MAD1L1: variants seen among roughly 807,000 people sequenced by gnomAD.
MAD1L1 encodes the protein mitotic spindle assembly checkpoint protein MAD1.
In MAD1L1, 95 loss-of-function variants were observed where a neutral mutation model predicts 96.9. The ratio of observed to expected loss-of-function variants is 0.98; its 90% CI spans 0.83 to 1.16. The LOEUF is 1.16. MAD1L1 is among the 50% of genes most tolerant of loss of function. The probability of loss-of-function intolerance (pLI) is 0.00; values close to 1 mark genes in which losing one functional copy is unlikely to be tolerated. For synonymous variants in MAD1L1, 473 were observed against 396.6 expected (o/e 1.19, Z -2.29); for missense variants, 1,007 against 954.4 (o/e 1.06, Z -0.73).
At chr7:2,019,649 C>T (rs1346191971) in intron 12 of MAD1L1, among the ~76,000 whole-genome samples, 3 of 152,078 alleles carry the variant, frequency 2.0e-5, no homozygotes, top group Non-Finnish European at 4.4e-5. Context: ...GGCTGCCCGG[C>T]CCAGCCCCAG....
rs141776342 is a variant in MAD1L1 at position 2,196,640 on chromosome 7, G to A, written c.986+16572C>T. On this transcript the variant is annotated intron_variant, in intron 10 of 18. Transcript: ENST00000265854. Reference sequence around the variant, plus strand: ...TGTTCAGATGAACAAACAAACGAGCGTCTCCAAAATCACAGTGCTACCCAC... The same window carrying A: ...TGTTCAGATGAACAAACAAACGAGCATCTCCAAAATCACAGTGCTACCCAC... 5.0e-3 allele frequency among the ~76,000 whole-genome samples: 766 copies of A among 152,320 alleles called. 9 individuals carry two copies. Among genetic ancestry groups the A allele is most frequent in the African/African-American group, 0.017 (720 of 41,556 alleles).
At chr7:1,945,046 G>C (rs1583875976) in intron 16 of MAD1L1, among the ~76,000 whole-genome samples, 1 of 152,236 alleles carries the variant, frequency 6.6e-6, no homozygotes, top group Admixed American at 6.5e-5. Context: ...GGGAGAGACA[G>C]TGGACACCGA....
chr7:2,101,233 C>T (rs1457731727), intron 11 of MAD1L1, among the ~76,000 whole-genome samples: 1 of 152,228 alleles, frequency 6.6e-6, no homozygotes, highest in Non-Finnish European at 1.5e-5. Flanking sequence ...ATGGGGTCTG[C>T]CCTGGGGGGA....
chr7:2,100,026 C>T (rs942503840), intron 11 of MAD1L1, among the ~76,000 whole-genome samples: 2 of 152,240 alleles, frequency 1.3e-5, no homozygotes, highest in Admixed American at 1.3e-4. Flanking sequence ...TTACACTTCG[C>T]CCCCAGCCAC....
chr7:1,923,466 C>T (rs183333598), intron 17 of MAD1L1, among the ~76,000 whole-genome samples: 12 of 133,270 alleles, frequency 9.0e-5, no homozygotes, highest in Non-Finnish European at 1.0e-4. Context: ...CTGGCACCCC[C>T]GCGCTCTTCC....
At chr7:2,169,112 T>G (rs1480147756) in intron 10 of MAD1L1, among the ~76,000 whole-genome samples, 1 of 152,190 alleles carries the variant, frequency 6.6e-6, no homozygotes, top group Non-Finnish European at 1.5e-5. Flanking sequence ...AAACGATCCG[T>G]GACAGGACAA....
At chr7:2,067,960 T>A (rs1784955558) in intron 12 of MAD1L1, among the ~76,000 whole-genome samples, 1 of 148,200 alleles carries the variant, frequency 6.7e-6, no homozygotes, top group East Asian at 1.9e-4. Context: ...ACCTCACGCA[T>A]CTTGCTTAGA....
At position 1,898,243 on chromosome 7, in the gene MAD1L1, G is replaced by C; in HGVS notation, c.1955C>G (p.Thr652Ser). The C allele has an allele frequency of 6.2e-7, 1 of 1,614,002 alleles. No homozygotes were observed. Among genetic ancestry groups the C allele is most frequent in the Non-Finnish European group, 8.5e-7 (1 of 1,179,958 alleles). Residue 652 changes from threonine to serine, a missense_variant, in exon 18 of 19, where the codon ACC (threonine) becomes AGC (serine). Physicochemically the swap from Thr to Ser is moderately conservative, Grantham distance 58 (BLOSUM62 1). Transcript: ENST00000265854. ...DITTENQYRL[T>S]SLYAEHPGDC... Reference sequence around the variant, plus strand: ...GCCTGGGTGCTCGGCGTACAGCGAGGTCAGCCGGTACTGGTTCTCCGTGGT... The same window carrying C: ...GCCTGGGTGCTCGGCGTACAGCGAGCTCAGCCGGTACTGGTTCTCCGTGGT...
chr7:1,832,633 CGGGG>C (rs1277645069), intron 18 of MAD1L1, among the ~76,000 whole-genome samples: 1 of 2,012 alleles, frequency 5.0e-4, no homozygotes, highest in African/African-American at 2.5e-3. Context: ...TTTTTTTTGG[CGGGG>C]GGGGGGGGGG....
chr7:1,941,916 T>A (rs1023006490), intron 16 of MAD1L1, among the ~76,000 whole-genome samples: 3 of 152,142 alleles, frequency 2.0e-5, no homozygotes, highest in Non-Finnish European at 2.9e-5. Context: ...AGGCACCTAG[T>A]CGTCTTTCTG....
intron 17 of MAD1L1, among the ~76,000 whole-genome samples, chr7:1,909,832 C>CCAGGGGAACT (rs1435701644): frequency 6.6e-6 from 1 of 152,204 alleles, no homozygotes; most frequent in East Asian, 1.9e-4. Context: ...CCATGATGAG[C>CCAGGGGAACT]CATGAGTTCC....
At chr7:2,134,096 G>A (rs1788643422) in intron 11 of MAD1L1, among the ~76,000 whole-genome samples, 1 of 152,244 alleles carries the variant, frequency 6.6e-6, no homozygotes, top group Admixed American at 6.5e-5. Flanking sequence ...GGACTGCACA[G>A]ACCCTCTGGG....
chr7:2,226,211 A>G (rs1178017409), intron 3 of MAD1L1, among the ~76,000 whole-genome samples: 2 of 152,256 alleles, frequency 1.3e-5, no homozygotes, highest in African/African-American at 4.8e-5. Context: ...CTCAAGGTCA[A>G]CAGATCTTAG....
chr7:2,120,905 A>G (rs891163086), intron 11 of MAD1L1, among the ~76,000 whole-genome samples: 1 of 152,298 alleles, frequency 6.6e-6, no homozygotes, highest in South Asian at 2.1e-4. Context: ...GGGCGGGGCG[A>G]GGAAGGTCTT....
At chr7:1,978,403 G>A (rs963008828) in intron 15 of MAD1L1, among the ~76,000 whole-genome samples, 2 of 152,298 alleles carry the variant, frequency 1.3e-5, no homozygotes, top group Admixed American at 6.5e-5. Context: ...AGCCAACTCC[G>A]GCTTCGGAGG....
intron 15 of MAD1L1, among the ~76,000 whole-genome samples, chr7:1,972,476 C>CA (rs1227190057): frequency 6.6e-6 from 1 of 152,156 alleles, no homozygotes; most frequent in African/African-American, 2.4e-5. Flanking sequence ...TTGTTTGTGG[C>CA]ATAACACCCT....
At chr7:2,106,111 C>T (rs940023054) in intron 11 of MAD1L1, among the ~76,000 whole-genome samples, 7 of 151,586 alleles carry the variant, frequency 4.6e-5, no homozygotes, top group Admixed American at 4.6e-4. Flanking sequence ...CCCCGCCCCT[C>T]CACCCTGCCC....
chr7:2,199,323 T>C (rs1019427176), intron 10 of MAD1L1, among the ~76,000 whole-genome samples: 1 of 152,220 alleles, frequency 6.6e-6, no homozygotes, highest in African/African-American at 2.4e-5. Flanking sequence ...GAAAGGAGTT[T>C]GTTACTTCTG....
chr7:2,094,588 G>A (rs577127915), intron 11 of MAD1L1, among the ~76,000 whole-genome samples: 17 of 152,370 alleles, frequency 1.1e-4, no homozygotes, highest in African/African-American at 3.8e-4. Context: ...AGTCAGGAAG[G>A]CTGCTGCTAT....
Sources: gnomAD v4.1 joint callset for allele counts (sites outside exome capture counted in the v4.1 genomes callset) on GRCh38, gnomAD v4.1.1 for gene constraint, MANE v1.5 for transcripts, NCBI Gene and HGNC (gene_info 2026-07-23, HGNC 2026-07-21) for gene names.